The following MKLN1 variants were observed in gnomAD, a reference collection of about 807,000 sequenced individuals.
MKLN1 encodes the protein muskelin 1.
A neutral mutation model predicts 99.0 loss-of-function variants in MKLN1; 18 were observed. The ratio of observed to expected loss-of-function variants is 0.18; its 90% confidence interval spans 0.13 to 0.27. MKLN1 has a LOEUF of 0.27. Ranked by LOEUF, MKLN1 falls within the 10% of genes least tolerant of loss-of-function variation. The pLI is 1.00. For synonymous variants in MKLN1, 288 were observed against 293.2 expected, an observed-to-expected ratio of 0.98 and a Z score of 0.18; for missense variants, 621 against 875.9, an observed-to-expected ratio of 0.71 and a Z score of 3.67.
rs776731717 is a variant in MKLN1, at chr7:131,464,299, G to C, written c.1679G>C (p.Cys560Ser). 6.3e-7 allele frequency: 1 copy of C among 1,598,470 alleles called. No homozygotes were observed. Among genetic ancestry groups the C allele is most frequent in the Non-Finnish European group, 8.6e-7 (1 of 1,166,578 alleles). ...IYDIVRNSWS[C>S]VYKNDQAAKD... ...TTAAAAGCAATGTCTTGCAGGTCTT[G>C]TGTCTATAAGAATGATCAAGCTGCA... Residue 560 changes from cysteine (C) to serine (S), a missense_variant, in exon 14 of 18, where the codon TGT becomes TCT. This residue lies in a region of MKLN1 where 30 missense variants were observed against 29.3 expected (regional missense o/e 1.02). Transcript: ENST00000352689.
chr7:131,418,961 C>T (rs78027133), intron 8 of MKLN1, among the ~76,000 whole-genome samples: 6,293 of 152,102 alleles, frequency 0.041, 200 homozygotes, highest in Non-Finnish European at 0.061. Flanking sequence ...CTGGGTAATC[C>T]AGGACTCTGA....
intron 2 of MKLN1, among the ~76,000 whole-genome samples, chr7:131,151,802 C>CA (rs1483981237): frequency 6.6e-6 from 1 of 152,128 alleles, no homozygotes; most frequent in East Asian, 1.9e-4. Flanking sequence ...TTTATGCACG[C>CA]ATACAAACAC....
intron 1 of MKLN1, among the ~76,000 whole-genome samples, chr7:131,343,575 C>T (rs954434575): frequency 6.6e-6 from 1 of 152,124 alleles, no homozygotes; most frequent in African/African-American, 2.4e-5. Context: ...TCAATGAATT[C>T]CCTTCTGTTT....
chr7:131,203,429 C>G (rs1796759982), intron 3 of MKLN1, among the ~76,000 whole-genome samples: 1 of 152,012 alleles, frequency 6.6e-6, no homozygotes. Context: ...GGAAATTTTC[C>G]CTGTGGGCAA....
chr7:131,371,127 T>C (rs564778590), intron 1 of MKLN1, among the ~76,000 whole-genome samples: 2 of 152,238 alleles, frequency 1.3e-5, no homozygotes, highest in Admixed American at 1.3e-4. Flanking sequence ...TTTTGTGTTA[T>C]TTATTTGTTC....
At chr7:131,469,630 C>T (rs1796761350) in intron 15 of MKLN1, among the ~76,000 whole-genome samples, 1 of 152,306 alleles carries the variant, frequency 6.6e-6, no homozygotes, top group East Asian at 1.9e-4. Context: ...AACCCTGTCA[C>T]CAAGGATGCC....
chr7:131,193,299 T>C (rs1185627008), intron 2 of MKLN1, among the ~76,000 whole-genome samples: 2 of 152,200 alleles, frequency 1.3e-5, no homozygotes, highest in East Asian at 3.8e-4. Flanking sequence ...CTAGGAACCA[T>C]CTTACAACCT....
chr7:131,228,589 A>G (rs1797193012), intron 3 of MKLN1, among the ~76,000 whole-genome samples: 1 of 152,206 alleles, frequency 6.6e-6, no homozygotes, highest in Non-Finnish European at 1.5e-5. Context: ...CATCTATAAA[A>G]TGAAGACAAT....
At chr7:131,389,796 G>A (rs1794144670) in intron 4 of MKLN1, among the ~76,000 whole-genome samples, 1 of 151,806 alleles carries the variant, frequency 6.6e-6, no homozygotes, top group Admixed American at 6.6e-5. Flanking sequence ...AGCTGAGGTG[G>A]GAGAATGCTG....
intron 2 of MKLN1, among the ~76,000 whole-genome samples, chr7:131,160,493 AT>A (rs1796031704): frequency 3.2e-4 from 3 of 9,480 alleles, no homozygotes; most frequent in South Asian, 4.2e-3. Flanking sequence ...ATTATTATTA[AT>A]TATTATTATT....
intron 3 of MKLN1, among the ~76,000 whole-genome samples, chr7:131,277,734 G>A (rs562079534): frequency 2.0e-5 from 3 of 152,064 alleles, no homozygotes; most frequent in African/African-American, 7.2e-5. Context: ...ATTTCAAAAC[G>A]GCTAGAAGAG....
chr7:131,291,876 G>A (rs561333258), intron 3 of MKLN1, among the ~76,000 whole-genome samples: 3 of 152,236 alleles, frequency 2.0e-5, no homozygotes, highest in Non-Finnish European at 2.9e-5. Context: ...AGGACAAGGC[G>A]GGAGGATATC....
intron 2 of MKLN1, among the ~76,000 whole-genome samples, chr7:131,145,760 A>C (rs1325330105): frequency 6.6e-6 from 1 of 152,216 alleles, no homozygotes; most frequent in Non-Finnish European, 1.5e-5. Context: ...CAATGAGTGG[A>C]GATGTAAGCA....
intron 3 of MKLN1, among the ~76,000 whole-genome samples, chr7:131,233,191 CA>C (rs942308330): frequency 1.3e-5 from 2 of 151,600 alleles, no homozygotes; most frequent in African/African-American, 2.4e-5. Context: ...AACAAACAAA[CA>C]AAAAAACAAA....
At chr7:131,162,334 T>C (rs1031588588) in intron 2 of MKLN1, among the ~76,000 whole-genome samples, 1 of 152,128 alleles carries the variant, frequency 6.6e-6, no homozygotes, top group Non-Finnish European at 1.5e-5. Flanking sequence ...ATTATAGGAA[T>C]GAACCAACAC....
At chr7:131,225,070 CAAAAA>C (rs151006219) in intron 3 of MKLN1, among the ~76,000 whole-genome samples, 1 of 102,568 alleles carries the variant, frequency 9.7e-6, no homozygotes. Flanking sequence ...GACTGTGTCT[CAAAAA>C]AAAAAAAAAA....
chr7:131,444,831 G>A (rs1421760363), intron 11 of MKLN1, among the ~76,000 whole-genome samples: 1 of 150,474 alleles, frequency 6.6e-6, no homozygotes, highest in Non-Finnish European at 1.5e-5. Flanking sequence ...AGAAGTGGAA[G>A]TGGAAGTGGA....
At chr7:131,462,420 A>G (rs1395929087) in intron 12 of MKLN1, among the ~76,000 whole-genome samples, 1 of 152,208 alleles carries the variant, frequency 6.6e-6, no homozygotes. Flanking sequence ...GCTGCGTTTT[A>G]CCTTTTATCA....
At chr7:131,377,529 T>C (rs1397772739) in intron 2 of MKLN1, among the ~76,000 whole-genome samples, 1 of 152,200 alleles carries the variant, frequency 6.6e-6, no homozygotes, top group Non-Finnish European at 1.5e-5. Flanking sequence ...CAAATTTTGG[T>C]ATGTTAGTGT....
Sources: allele counts gnomAD v4.1 joint callset (sites outside exome capture counted in the v4.1 genomes callset), GRCh38; gene constraint gnomAD v4.1.1; regional missense constraint gnomAD v4.1.1; transcripts MANE v1.5; gene names NCBI Gene and HGNC (gene_info 2026-07-23, HGNC 2026-07-21).